Variants in UBR3 observed in about 807,000 individuals in gnomAD.
UBR3 encodes ubiquitin protein ligase E3 component n-recognin 3.
Under a neutral mutation model 243.2 loss-of-function variants are expected in UBR3, and 85 were observed. The ratio of observed to expected loss-of-function variants is 0.35; its 90% CI spans 0.29 to 0.42. The LOEUF is 0.42. UBR3 is among the 10% of genes least tolerant of loss of function. UBR3 has a pLI of 1.00. For synonymous variants in UBR3, 748 were observed against 799.8 expected, an observed-to-expected ratio of 0.94 and a Z score of 1.09; for missense variants, 1,686 against 2,300.8, an observed-to-expected ratio of 0.73 and a Z score of 5.47.
chr2:169,849,814 C>T (rs754549654), intron 1 of UBR3, among the ~76,000 whole-genome samples: 8 of 152,122 alleles, frequency 5.3e-5, no homozygotes, highest in Non-Finnish European at 8.8e-5. Flanking sequence ...AAGGATGCTG[C>T]TTTGCTTTTG....
At chr2:170,048,860 A>C (rs953345555) in intron 32 of UBR3, among the ~76,000 whole-genome samples, 4 of 152,244 alleles carry the variant, frequency 2.6e-5, no homozygotes, top group Admixed American at 2.6e-4. Context: ...TGCTAGTTTC[A>C]CAATCACACC....
At chr2:169,933,294 T>A (rs934440075) in intron 19 of UBR3, among the ~76,000 whole-genome samples, 17 of 152,202 alleles carry the variant, frequency 1.1e-4, no homozygotes, top group Admixed American at 3.9e-4. Flanking sequence ...TGGTTTTGTG[T>A]TGTTCTACTT....
At chr2:169,946,114 T>C (rs1370783661) in intron 20 of UBR3, among the ~76,000 whole-genome samples, 174 bp from the exon 21 acceptor site, 2 of 152,140 alleles carry the variant, frequency 1.3e-5, no homozygotes, top group Admixed American at 6.5e-5. Context: ...TAAATACTTA[T>C]ATTCGTATGA....
At chr2:169,840,461 T>G (rs2082254573) in intron 1 of UBR3, among the ~76,000 whole-genome samples, 2 of 152,176 alleles carry the variant, frequency 1.3e-5, no homozygotes, top group Non-Finnish European at 2.9e-5. Flanking sequence ...TTGGGTGCAG[T>G]CCACACTGTA....
chr2:169,923,308 T>G (rs1045673301), intron 11 of UBR3, among the ~76,000 whole-genome samples: 1 of 152,196 alleles, frequency 6.6e-6, no homozygotes, highest in Admixed American at 6.5e-5. Context: ...AGAGTCTTCT[T>G]ACAGTTTTGA....
intron 26 of UBR3, among the ~76,000 whole-genome samples, chr2:169,999,311 A>G (rs780355314): frequency 5.9e-5 from 9 of 152,216 alleles, no homozygotes; most frequent in Non-Finnish European, 1.0e-4. Context: ...GATTTGTAAC[A>G]GTAGAAGCCT....
chr2:169,856,001 G>A (rs550561131), intron 1 of UBR3, among the ~76,000 whole-genome samples: 14 of 151,550 alleles, frequency 9.2e-5, no homozygotes, highest in Admixed American at 3.3e-4. Flanking sequence ...CAGATGGGGG[G>A]GCTGCCAGGC....
intron 35 of UBR3, among the ~76,000 whole-genome samples, chr2:170,072,435 G>T (rs13419620): frequency 6.6e-6 from 1 of 151,154 alleles, no homozygotes; most frequent in Non-Finnish European, 1.5e-5. Context: ...GGTAGCGGGA[G>T]GGGGGAGGGA....
intron 36 of UBR3, chr2:170,077,951 T>A: frequency 1.8e-6 from 1 of 563,098 alleles, no homozygotes; most frequent in Non-Finnish European, 3.3e-6. Flanking sequence ...AGAGGGACTT[T>A]CCATTTTCCT....
At chr2:169,900,317 T>C (rs2084768170) in intron 8 of UBR3, among the ~76,000 whole-genome samples, 1 of 152,256 alleles carries the variant, frequency 6.6e-6, no homozygotes, top group South Asian at 2.1e-4. Flanking sequence ...TCTGTTCATG[T>C]CCTTCACCCA....
intron 23 of UBR3, among the ~76,000 whole-genome samples, chr2:169,953,630 A>G (rs899544019): frequency 6.6e-6 from 1 of 152,236 alleles, no homozygotes; most frequent in Non-Finnish European, 1.5e-5. Flanking sequence ...CATTCACAAC[A>G]ATGACATCCC....
At chr2:169,885,182 TC>T (rs2084041313) in intron 5 of UBR3, among the ~76,000 whole-genome samples, 1 of 152,214 alleles carries the variant, frequency 6.6e-6, no homozygotes, top group East Asian at 1.9e-4. Context: ...CAAACCCTTT[TC>T]ATGATTTTAT....
At chr2:169,891,554 G>T (rs1306713677) in intron 6 of UBR3, among the ~76,000 whole-genome samples, 1 of 151,478 alleles carries the variant, frequency 6.6e-6, no homozygotes, top group Non-Finnish European at 1.5e-5. Context: ...ATAATCTGGG[G>T]TATGCAATTT....
intron 19 of UBR3, among the ~76,000 whole-genome samples, chr2:169,935,394 C>G (rs1374572511): frequency 1.3e-5 from 2 of 152,120 alleles, no homozygotes; most frequent in African/African-American, 4.8e-5. Flanking sequence ...GTGTTGAACT[C>G]TTAGTCTCAA....
intron 19 of UBR3, among the ~76,000 whole-genome samples, chr2:169,936,709 C>A (rs565880178): frequency 1.5e-4 from 23 of 151,874 alleles, no homozygotes; most frequent in African/African-American, 5.6e-4. Context: ...GTGTGATGTT[C>A]CCCTTCCTGT....
chr2:169,879,897 A>G (rs1266254006), intron 5 of UBR3, among the ~76,000 whole-genome samples: 1 of 152,242 alleles, frequency 6.6e-6, no homozygotes, highest in African/African-American at 2.4e-5. Flanking sequence ...GACTTTCAAA[A>G]ACATATAAAC....
intron 1 of UBR3, among the ~76,000 whole-genome samples, chr2:169,837,762 G>C (rs2082156450): frequency 6.6e-6 from 1 of 152,168 alleles, no homozygotes; most frequent in Non-Finnish European, 1.5e-5. Flanking sequence ...TTGACGTGTG[G>C]GGATTATGGG....
At chr2:169,836,560 T>A (rs1440877458) in intron 1 of UBR3, among the ~76,000 whole-genome samples, 3 of 151,732 alleles carry the variant, frequency 2.0e-5, no homozygotes, top group Non-Finnish European at 4.4e-5. Context: ...AGTTGATGAG[T>A]TGATAGGTGC....
chr2:170,020,786 T>C lies in UBR3; in HGVS notation c.4453+5420T>C, dbSNP rs2090369409. ...TGATACATCTTACAAATTCAGAAGA[T>C]TTTGGTATTTTGTTTTATATTTTAT... On this transcript the variant is annotated intron_variant, in intron 30 of 38. Transcript: ENST00000272793. 1.3e-5 allele frequency among the ~76,000 whole-genome samples: 2 copies of C among 152,300 alleles called. 1 individual carries two copies. The highest frequency in any genetic ancestry group is 3.9e-4 in the East Asian group (2 of 5,190).
Sources: allele counts gnomAD v4.1 joint callset (sites outside exome capture counted in the v4.1 genomes callset), GRCh38; gene constraint gnomAD v4.1.1; transcripts MANE v1.5; gene names NCBI Gene and HGNC (gene_info 2026-07-23, HGNC 2026-07-21).